The following THEMIS variants were observed in gnomAD, a reference collection of about 807,000 sequenced individuals.
THEMIS encodes the protein protein THEMIS.
A neutral mutation model predicts 52.6 loss-of-function variants in THEMIS; 37 were observed. The observed-to-expected ratio is 0.70, with a 90% confidence interval of 0.54 to 0.93. The LOEUF is 0.93. Among genes scored for constraint, THEMIS ranks in the 40% least tolerant of loss-of-function variants. The pLI is 0.00. For missense variants in THEMIS, 808 were observed against 763.1 expected (o/e 1.06, Z -0.69); for synonymous variants, 292 against 272.7 (o/e 1.07, Z -0.70).
intron 4 of THEMIS, among the ~76,000 whole-genome samples, chr6:127,804,608 A>G (rs551182044): frequency 1.8e-4 from 28 of 152,310 alleles, no homozygotes; most frequent in African/African-American, 6.7e-4. Flanking sequence ...GTCTGACAAC[A>G]TTGTGAGAAT....
At chr6:127,817,307 G>C (rs1583311469) in intron 3 of THEMIS, among the ~76,000 whole-genome samples, 1 of 152,056 alleles carries the variant, frequency 6.6e-6, no homozygotes, top group Non-Finnish European at 1.5e-5. Context: ...AAGCAATTCA[G>C]TAAATATATT....
At chr6:127,701,299 T>C in the THEMIS span, among the ~76,000 whole-genome samples, 1 of 152,116 alleles carries the variant, frequency 6.6e-6, no homozygotes, top group Non-Finnish European at 1.5e-5. Context: ...ATACAGTAAA[T>C]ACTATTCTGT....
intron 2 of THEMIS, among the ~76,000 whole-genome samples, chr6:127,839,674 C>A (rs1778982573): frequency 6.6e-6 from 1 of 152,008 alleles, no homozygotes; most frequent in African/African-American, 2.4e-5. Flanking sequence ...AGCCAATTAA[C>A]AACTCATTTC....
intron 3 of THEMIS, among the ~76,000 whole-genome samples, chr6:127,815,860 T>C (rs966093116): frequency 7.9e-5 from 12 of 152,136 alleles, no homozygotes; most frequent in African/African-American, 2.7e-4. Flanking sequence ...GAACTCAGAA[T>C]TGATCCACCA....
intron 1 of THEMIS, among the ~76,000 whole-genome samples, chr6:127,858,798 A>C (rs985933297): frequency 6.6e-6 from 1 of 152,150 alleles, no homozygotes; most frequent in Admixed American, 6.6e-5. Context: ...ATTCTATCCA[A>C]GTCAAAGCAT....
rs567224517 is a variant in THEMIS at position 127,782,480 on chromosome 6, G to C, written c.1758+30403C>G. Among the ~76,000 whole-genome samples the C allele has an allele frequency of 3.3e-5, 5 of 152,302 alleles. No individual in the cohort carries two copies. The East Asian group carries it at 7.7e-4, about 24-fold the overall frequency. Reference sequence around the variant, plus strand: ...GTGGGTTGCGAAGACCATGGGAAAAGCATAGTATCTGGGCCGGAATGCACC... The same window carrying C: ...GTGGGTTGCGAAGACCATGGGAAAACCATAGTATCTGGGCCGGAATGCACC... On this transcript the variant is annotated intron_variant, in intron 4 of 5. Transcript: ENST00000368248.
chr6:127,816,941 A>G (rs1778156141), intron 3 of THEMIS, among the ~76,000 whole-genome samples: 1 of 151,830 alleles, frequency 6.6e-6, no homozygotes, highest in Non-Finnish European at 1.5e-5. Context: ...TTCACAGCCA[A>G]CTCCTCTTCT....
At chr6:127,788,869 C>A (rs1777064263) in intron 4 of THEMIS, among the ~76,000 whole-genome samples, 1 of 152,110 alleles carries the variant, frequency 6.6e-6, no homozygotes, top group African/African-American at 2.4e-5. Flanking sequence ...CTCTGGGACA[C>A]AGCTAAAGTA....
intron 4 of THEMIS, among the ~76,000 whole-genome samples, chr6:127,732,576 C>T (rs904072050): frequency 2.0e-5 from 3 of 152,176 alleles, no homozygotes; most frequent in Non-Finnish European, 4.4e-5. Context: ...TCCCCCAAAG[C>T]TAGCCCTCAT....
intron 1 of THEMIS, among the ~76,000 whole-genome samples, chr6:127,883,919 G>GTT (rs1389482213): frequency 1.3e-5 from 2 of 151,982 alleles, no homozygotes; most frequent in Non-Finnish European, 2.9e-5. Context: ...GAGCATCTGT[G>GTT]TTATATATAT....
intron 5 of THEMIS, 149 bp from the exon 6 acceptor site, chr6:127,710,165 A>AG: frequency 1.9e-6 from 1 of 512,906 alleles, no homozygotes; most frequent in Non-Finnish European, 3.3e-6. Context: ...AGCAAAATAA[A>AG]GAAAAAAAAA....
intron 1 of THEMIS, among the ~76,000 whole-genome samples, chr6:127,857,080 A>T (rs1372108756): frequency 6.6e-6 from 1 of 151,732 alleles, no homozygotes; most frequent in Non-Finnish European, 1.5e-5. Context: ...TGATTAAAAA[A>T]AAAAACCTAC....
At position 127,879,559 on chromosome 6, in the gene THEMIS, A is replaced by G. The variant is rs138955583; in HGVS notation, c.91+21283T>C. Among the ~76,000 whole-genome samples, 913 of 151,036 alleles carry G rather than the reference A, an allele frequency of 6.0e-3. 12 individuals are homozygous for G. The highest frequency in any genetic ancestry group is 0.021 in the African/African-American group (880 of 41,042). ...ATAATGGCTGAAATAATTTTCTAAAAATGTGTGTAAATGTCTCTGTAAAAT... is the reference window on the plus strand; with the variant it reads ...ATAATGGCTGAAATAATTTTCTAAAGATGTGTGTAAATGTCTCTGTAAAAT... On this transcript the variant is annotated intron_variant, in intron 1 of 5. Coordinates refer to ENST00000368248, the MANE Select transcript of THEMIS (RefSeq NM_001010923.3).
Position 127,857,732 on chromosome 6 carries a change from T to C in THEMIS, c.92-2544A>G, listed in dbSNP as rs867485526. On this transcript the variant is annotated intron_variant, in intron 1 of 5. Transcript: ENST00000368248. ...CAGACCTACTGAATCAGAACCTGTG[T>C]TTTTAACAAGATCCCTAGATGATTT... is the stretch of plus-strand genomic sequence containing the variant. Among the ~76,000 whole-genome samples, 5 of 152,116 alleles carry C rather than the reference T, an allele frequency of 3.3e-5. No homozygotes were observed. In the South Asian group the frequency reaches 1.0e-3, roughly 32 times the overall value.
chr6:127,789,079 A>G (rs576021581), intron 4 of THEMIS, among the ~76,000 whole-genome samples: 1 of 152,296 alleles, frequency 6.6e-6, no homozygotes, highest in Non-Finnish European at 1.5e-5. Flanking sequence ...CAAAAAATCA[A>G]TTAATACAGG....
intron 4 of THEMIS, among the ~76,000 whole-genome samples, chr6:127,799,721 A>G (rs1387457252): frequency 6.6e-6 from 1 of 152,146 alleles, no homozygotes; most frequent in Non-Finnish European, 1.5e-5. Flanking sequence ...CACACGGACT[A>G]TGATTTTCTC....
chr6:127,829,479 T>G lies in THEMIS; in HGVS notation c.706A>C (p.Lys236Gln). The G allele has an allele frequency of 6.3e-7, 1 of 1,597,488 alleles. No individual in the cohort carries two copies. The highest frequency in any genetic ancestry group is 8.5e-7 in the Non-Finnish European group (1 of 1,172,922). The change falls in exon 3 of 6, where the codon AAA (lysine) becomes CAA (glutamine). Residue 236 changes from lysine to glutamine, a missense_variant. Coordinates refer to ENST00000368248, the MANE Select transcript of THEMIS (RefSeq NM_001010923.3). The part of the protein sequence containing the change: ...KPVYEIQGVM[K>Q]FRKDIIRILP... ...ATCATTCTCAGTGGATACTCACATTTCATCACACCTTGAATTTCATAAACA... is the reference window on the plus strand; with the variant it reads ...ATCATTCTCAGTGGATACTCACATTGCATCACACCTTGAATTTCATAAACA...
At chr6:127,765,929 T>C (rs2114411295) in intron 4 of THEMIS, among the ~76,000 whole-genome samples, 1 of 152,248 alleles carries the variant, frequency 6.6e-6, no homozygotes, top group East Asian at 1.9e-4. Flanking sequence ...TGAATGCTAG[T>C]TGATCAATAC....
At chr6:127,870,763 A>C (rs1583378002) in intron 1 of THEMIS, among the ~76,000 whole-genome samples, 1 of 152,308 alleles carries the variant, frequency 6.6e-6, no homozygotes, top group South Asian at 2.1e-4. Flanking sequence ...ATAATGATAA[A>C]AGTGTCAATC....
Sources: gnomAD v4.1 joint callset for allele counts (sites outside exome capture counted in the v4.1 genomes callset) on GRCh38, gnomAD v4.1.1 for gene constraint, MANE v1.5 for transcripts, NCBI Gene and HGNC (gene_info 2026-07-23, HGNC 2026-07-21) for gene names.